Variants in ARL15 observed in about 807,000 individuals in gnomAD.
ARL15 encodes ARF like GTPase 15, also known as ADP-ribosylation factor-like protein 15.
Under a neutral mutation model 25.2 loss-of-function variants are expected in ARL15, and 19 were observed. The observed-to-expected ratio is 0.75, with a 90% CI of 0.53 to 1.10. The LOEUF is 1.10. ARL15 is among the 50% of genes least tolerant of loss of function. The probability of loss-of-function intolerance (pLI) is 0.00; values close to 1 mark genes in which losing one functional copy is unlikely to be tolerated. For synonymous variants in ARL15, 94 were observed against 86.8 expected (o/e 1.08, Z -0.46); for missense variants, 220 against 246.0 (o/e 0.89, Z 0.71).
chr5:53,892,210 T>A (rs1744736581), intron 4 of ARL15, among the ~76,000 whole-genome samples: 2 of 152,352 alleles, frequency 1.3e-5, no homozygotes, highest in South Asian at 2.1e-4. Flanking sequence ...GATAGAAGAC[T>A]GTTAAAATAA....
intron 4 of ARL15, among the ~76,000 whole-genome samples, chr5:53,992,953 G>C (rs1342774109): frequency 6.6e-6 from 1 of 151,988 alleles, no homozygotes; most frequent in Non-Finnish European, 1.5e-5. Context: ...GGCTGAGGCA[G>C]AAGAATCGCT....
At chr5:53,988,877 T>C (rs1294577774) in intron 4 of ARL15, among the ~76,000 whole-genome samples, 4 of 152,174 alleles carry the variant, frequency 2.6e-5, no homozygotes, top group Non-Finnish European at 5.9e-5. Context: ...TCTGAAAAGC[T>C]GCAATCAGCT....
At chr5:54,024,528 G>C (rs569055988) in intron 4 of ARL15, among the ~76,000 whole-genome samples, 3 of 152,160 alleles carry the variant, frequency 2.0e-5, no homozygotes, top group African/African-American at 7.2e-5. Flanking sequence ...TTTAGGGTCG[G>C]TATGGTACTA....
intron 1 of ARL15, among the ~76,000 whole-genome samples, chr5:54,234,607 TAC>T (rs1223669106): frequency 1.3e-5 from 2 of 152,202 alleles, no homozygotes; most frequent in Non-Finnish European, 2.9e-5. Context: ...TATGTTTTTG[TAC>T]AACAGTCTCC....
intron 3 of ARL15, among the ~76,000 whole-genome samples, chr5:54,142,657 C>T (rs545141623): frequency 6.6e-6 from 1 of 152,128 alleles, no homozygotes; most frequent in South Asian, 2.1e-4. Context: ...ACTGTGGTTC[C>T]GGGAGTTGTT....
chr5:54,031,551 C>CGACCTGTTGCTTCAGTGATAT (rs1749983379), intron 4 of ARL15, among the ~76,000 whole-genome samples: 1 of 152,138 alleles, frequency 6.6e-6, no homozygotes, highest in Non-Finnish European at 1.5e-5. Flanking sequence ...ACAGACCATG[C>CGACCTGTTGCTTCAGTGATAT]GACCTGTTGC....
chr5:54,266,246 G>A (rs961494763), intron 1 of ARL15, among the ~76,000 whole-genome samples: 4 of 152,256 alleles, frequency 2.6e-5, no homozygotes, highest in South Asian at 2.1e-4. Flanking sequence ...CCACCTCCTC[G>A]GGAATTCAGA....
chr5:53,999,086 G>T lies in ARL15; in HGVS notation c.463-112373C>A, dbSNP rs559638108. ...ATGCTGTCAAGAGTGGGGCCAGGAA[G>T]TGGAAGAAATCTCCTAGGTAGAAAG... On this transcript the variant is annotated intron_variant, in intron 4 of 4. Coordinates refer to ENST00000504924, the MANE Select transcript of ARL15 (RefSeq NM_019087.3). Among the ~76,000 whole-genome samples the T allele has an allele frequency of 8.5e-5, 13 of 152,300 alleles. No homozygotes were observed. In the South Asian group the frequency reaches 1.7e-3, roughly 19 times the overall value.
At chr5:54,261,767 C>T (rs1757502906) in intron 1 of ARL15, among the ~76,000 whole-genome samples, 1 of 150,152 alleles carries the variant, frequency 6.7e-6, no homozygotes, top group South Asian at 2.1e-4. Flanking sequence ...CACACACACA[C>T]CCCATGACCA....
At chr5:54,246,468 T>C (rs570737937) in intron 1 of ARL15, among the ~76,000 whole-genome samples, 42 of 151,996 alleles carry the variant, frequency 2.8e-4, no homozygotes, top group Non-Finnish European at 4.7e-4. Context: ...AAACTCAACA[T>C]GTCCAAAACT....
chr5:54,142,520 G>C (rs540846723), intron 3 of ARL15, among the ~76,000 whole-genome samples: 2 of 152,270 alleles, frequency 1.3e-5, no homozygotes, highest in East Asian at 3.9e-4. Flanking sequence ...CACGAGGGTT[G>C]ATCAGTGACA....
intron 4 of ARL15, among the ~76,000 whole-genome samples, chr5:54,012,298 T>G (rs533595259): frequency 1.3e-5 from 2 of 152,152 alleles, no homozygotes; most frequent in Non-Finnish European, 2.9e-5. Flanking sequence ...TATAACTGGC[T>G]GATAGTCCTC....
intron 1 of ARL15, among the ~76,000 whole-genome samples, chr5:54,269,936 C>T (rs1757738008): frequency 6.6e-6 from 1 of 152,200 alleles, no homozygotes; most frequent in African/African-American, 2.4e-5. Flanking sequence ...TGAGCCACCA[C>T]GCCCGGCCTG....
chr5:54,257,990 A>G (rs1757408947), intron 1 of ARL15, among the ~76,000 whole-genome samples: 2 of 152,122 alleles, frequency 1.3e-5, no homozygotes, highest in Non-Finnish European at 2.9e-5. Context: ...TCAGACACAC[A>G]GTCATAGAAT....
intron 4 of ARL15, among the ~76,000 whole-genome samples, chr5:54,006,079 T>C (rs868633766): frequency 4.5e-4 from 57 of 127,682 alleles, no homozygotes; most frequent in Middle Eastern, 4.5e-3. Flanking sequence ...AAAAAAAGAA[T>C]GCTTTATTGA....
intron 4 of ARL15, among the ~76,000 whole-genome samples, chr5:54,014,027 T>C (rs1749329428): frequency 6.6e-6 from 1 of 152,162 alleles, no homozygotes; most frequent in African/African-American, 2.4e-5. Context: ...ACCCATTAGG[T>C]GATTACAAAA....
chr5:54,194,398 C>T lies in ARL15; in HGVS notation c.49-22470G>A, dbSNP rs550548026. ...TATGAGACCCACAACATAGTCTTAACCCCAATAACCTCCATACGGCCTCAC... is the reference window on the plus strand; with the variant it reads ...TATGAGACCCACAACATAGTCTTAATCCCAATAACCTCCATACGGCCTCAC... On this transcript the variant is annotated intron_variant, in intron 1 of 4. Coordinates refer to ENST00000504924, the MANE Select transcript of ARL15 (RefSeq NM_019087.3). 2.6e-5 allele frequency among the ~76,000 whole-genome samples: 4 copies of T among 152,130 alleles called. No individual in the cohort carries two copies. The South Asian group carries it at 8.3e-4, about 32-fold the overall frequency.
At chr5:53,947,699 C>G (rs1409193892) in intron 4 of ARL15, among the ~76,000 whole-genome samples, 1 of 152,070 alleles carries the variant, frequency 6.6e-6, no homozygotes, top group Admixed American at 6.5e-5. Flanking sequence ...GGACTAGACC[C>G]CGAGGTCTAA....
At chr5:54,046,705 G>C (rs1750527956) in intron 4 of ARL15, among the ~76,000 whole-genome samples, 3 of 152,210 alleles carry the variant, frequency 2.0e-5, no homozygotes, top group Admixed American at 2.0e-4. Flanking sequence ...AACTGCTGTA[G>C]AGCAATGGAA....
Sources: allele counts gnomAD v4.1 joint callset (sites outside exome capture counted in the v4.1 genomes callset), GRCh38; gene constraint gnomAD v4.1.1; transcripts MANE v1.5; gene names NCBI Gene and HGNC (gene_info 2026-07-23, HGNC 2026-07-21).